The following ESRRG variants were observed in gnomAD, a reference collection of about 807,000 sequenced individuals.
The protein encoded by ESRRG is estrogen-related receptor gamma.
ESRRG carries 13 observed loss-of-function variants against 44.0 expected under a neutral mutation model. That is an observed-to-expected ratio of 0.30 (90% CI 0.19 to 0.47). The LOEUF is 0.47. Among genes scored for constraint, ESRRG ranks in the 20% least tolerant of loss-of-function variants. The pLI, the probability that ESRRG is intolerant of heterozygous loss-of-function variation, is 1.00. For synonymous variants in ESRRG, 215 were observed against 214.6 expected (o/e 1.00, Z -0.02); for missense variants, 395 against 580.6 (o/e 0.68, Z 3.29).
chr1:216,633,710 G>A (rs897630428), intron 3 of ESRRG, among the ~76,000 whole-genome samples: 35 of 152,256 alleles, frequency 2.3e-4, no homozygotes, highest in African/African-American at 7.9e-4. Context: ...GTGGGATTAG[G>A]AGAAACACAC....
intron 2 of ESRRG, among the ~76,000 whole-genome samples, chr1:216,656,284 C>A (rs562999300): frequency 2.6e-5 from 4 of 152,294 alleles, no homozygotes; most frequent in Admixed American, 6.5e-5. Flanking sequence ...GATGACACAA[C>A]TGGAATTTTC....
intron 1 of ESRRG, among the ~76,000 whole-genome samples, chr1:216,943,415 G>A (rs1438485613): frequency 1.3e-5 from 2 of 152,124 alleles, no homozygotes; most frequent in Non-Finnish European, 2.9e-5. Flanking sequence ...GAGCAAGAAA[G>A]ATCTGTTCTT....
At chr1:216,927,632 G>A (rs2062770141) in intron 2 of ESRRG, among the ~76,000 whole-genome samples, 1 of 152,230 alleles carries the variant, frequency 6.6e-6, no homozygotes, top group African/African-American at 2.4e-5. Context: ...TTTAGGCTGA[G>A]AGGTTGAGCT....
At chr1:216,845,654 G>T (rs753736312) in intron 2 of ESRRG, among the ~76,000 whole-genome samples, 34 of 152,098 alleles carry the variant, frequency 2.2e-4, no homozygotes, top group Non-Finnish European at 3.8e-4. Context: ...CTTCATGTCA[G>T]TACCTGACTC....
chr1:216,773,793 G>T (rs1242050813), intron 2 of ESRRG, among the ~76,000 whole-genome samples: 1 of 152,028 alleles, frequency 6.6e-6, no homozygotes, highest in Non-Finnish European at 1.5e-5. Context: ...GTATTAATAG[G>T]ATCATGCACT....
At chr1:216,768,476 A>ATCTATCTATCTATCTATCTGTCTG (rs1553593091) in intron 2 of ESRRG, among the ~76,000 whole-genome samples, 1 of 149,400 alleles carries the variant, frequency 6.7e-6, no homozygotes, top group African/African-American at 2.5e-5. Context: ...CTATCTATCT[A>ATCTATCTATCTATCTATCTGTCTG]TCTATCTATC....
At chr1:216,724,555 G>A (rs1270099050), upstream of ESRRG, among the ~76,000 whole-genome samples, 2 of 151,752 alleles carry the variant, frequency 1.3e-5, no homozygotes, top group Non-Finnish European at 2.9e-5. Flanking sequence ...CACCCTATAT[G>A]CTTTAAAAAA....
At position 216,889,114 on chromosome 1, in the gene ESRRG, G is replaced by A. The variant is rs186754886; in HGVS notation, c.-14+50468C>T. On this transcript the variant is annotated intron_variant, in intron 2 of 7. Coordinates refer to the ESRRG transcript ENST00000359162. ...ATCAACTGAAGTTACACCCTGAGCC[G>A]TTGTAGTGTTATCTCAGCATGTTTC... Among the ~76,000 whole-genome samples, 364 of 152,244 alleles carry A rather than the reference G, an allele frequency of 2.4e-3. 2 individuals are homozygous for A. The highest frequency in any genetic ancestry group is 3.4e-3 in the Non-Finnish European group (234 of 68,012).
At chr1:216,959,851 T>G (rs2068689291) in intron 1 of ESRRG, among the ~76,000 whole-genome samples, 1 of 152,084 alleles carries the variant, frequency 6.6e-6, no homozygotes, top group South Asian at 2.1e-4. Flanking sequence ...ATAGAGAATT[T>G]TTTAAGTAAT....
chr1:216,881,359 A>G (rs1431028696), intron 2 of ESRRG, among the ~76,000 whole-genome samples: 1 of 152,214 alleles, frequency 6.6e-6, no homozygotes, highest in Non-Finnish European at 1.5e-5. Context: ...GCAAGCATCA[A>G]TAACAATGGA....
intron 2 of ESRRG, among the ~76,000 whole-genome samples, chr1:216,893,768 C>A (rs2058093127): frequency 6.6e-6 from 1 of 151,940 alleles, no homozygotes; most frequent in South Asian, 2.1e-4. Context: ...ACAATGTTGG[C>A]AAGGAAAATG....
chr1:216,822,698 C>T (rs1467483552), intron 2 of ESRRG, among the ~76,000 whole-genome samples: 4 of 152,170 alleles, frequency 2.6e-5, no homozygotes, highest in Non-Finnish European at 5.9e-5. Context: ...GGGCCAATAG[C>T]TGTTGAAACA....
chr1:216,649,170 G>A (rs886640714), intron 3 of ESRRG, among the ~76,000 whole-genome samples: 8 of 152,030 alleles, frequency 5.3e-5, no homozygotes, highest in Non-Finnish European at 1.0e-4. Context: ...TTTCACATAA[G>A]TTTTCTTTAG....
chr1:216,858,186 C>T (rs1254390973), intron 2 of ESRRG, among the ~76,000 whole-genome samples: 1 of 145,602 alleles, frequency 6.9e-6, no homozygotes, highest in Non-Finnish European at 1.5e-5. Context: ...GCCTGTAATC[C>T]CAGCACTTTG....
At chr1:216,906,268 A>G (rs1368913363) in intron 2 of ESRRG, among the ~76,000 whole-genome samples, 5 of 152,212 alleles carry the variant, frequency 3.3e-5, no homozygotes, top group Non-Finnish European at 7.3e-5. Context: ...CTATATAAAT[A>G]TAATAAACTA....
intron 1 of ESRRG, among the ~76,000 whole-genome samples, chr1:216,974,416 T>C (rs1295099162): frequency 1.3e-5 from 2 of 152,124 alleles, no homozygotes; most frequent in African/African-American, 4.8e-5. Flanking sequence ...GATATGACAA[T>C]AACCTAGACC....
In ESRRG at chr1:216,912,226, G is replaced by A. The variant is rs1175521907; in HGVS notation, c.-14+27356C>T. ...GAGAGGAGAGGAGAGGAGAGGAGAG[G>A]AGAGGAGAGGAGAGGAGAGGAGAGG... On this transcript the variant is annotated intron_variant, in intron 2 of 7. Coordinates refer to the ESRRG transcript ENST00000359162. Among the ~76,000 whole-genome samples, 152 of 35,424 alleles carry A rather than the reference G, an allele frequency of 4.3e-3. 17 individuals are homozygous for A. Among genetic ancestry groups the A allele is most frequent in the East Asian group, 0.042 (30 of 710 alleles). 23.2% of individuals were successfully genotyped at this position (35,424 alleles called of 152,430 possible). A position where few individuals can be genotyped will look rare whatever the true frequency, so the allele number is the denominator to read the frequency against.
At chr1:216,698,518 C>CAAAAAA (rs34454248) in intron 1 of ESRRG, among the ~76,000 whole-genome samples, 1 of 73,916 alleles carries the variant, frequency 1.4e-5, no homozygotes, top group Non-Finnish European at 2.4e-5. Context: ...GACTCAGTCT[C>CAAAAAA]AAAAAAAAAA....
intron 1 of ESRRG, among the ~76,000 whole-genome samples, chr1:217,061,831 T>C (rs2088568059): frequency 2.0e-5 from 3 of 152,278 alleles, no homozygotes; most frequent in Admixed American, 6.5e-5. Flanking sequence ...TAAGAAATTA[T>C]GCAATTAAAC....
Sources: gnomAD v4.1 joint callset for allele counts (sites outside exome capture counted in the v4.1 genomes callset) on GRCh38, gnomAD v4.1.1 for gene constraint, MANE v1.5 for transcripts, NCBI Gene and HGNC (gene_info 2026-07-23, HGNC 2026-07-21) for gene names.